CDH23: variants seen among roughly 807,000 people sequenced by gnomAD.
The protein encoded by CDH23 is cadherin-23.
A neutral mutation model predicts 317.1 loss-of-function variants in CDH23; 189 were observed. The ratio of observed to expected loss-of-function variants is 0.60; its 90% CI spans 0.53 to 0.67. The LOEUF (loss-of-function observed/expected upper bound fraction) is 0.67, where lower values mean the gene tolerates loss of function less well. Among genes scored for constraint, CDH23 ranks in the 30% least tolerant of loss-of-function variants. The pLI is 0.00. For missense variants in CDH23, 4,401 were observed against 4,592.4 expected (o/e 0.96, Z 1.20); for synonymous variants, 1,839 against 1,876.8 (o/e 0.98, Z 0.52).
chr10:71,728,644 G>A (rs1413389724), intron 30 of CDH23, among the ~76,000 whole-genome samples: 2 of 152,192 alleles, frequency 1.3e-5, no homozygotes, highest in Non-Finnish European at 2.9e-5. Context: ...TCTGTATGGG[G>A]CATCACAGCC....
At chr10:71,493,525 C>T (rs1852781615) in intron 3 of CDH23, among the ~76,000 whole-genome samples, 2 of 151,456 alleles carry the variant, frequency 1.3e-5, no homozygotes, top group Middle Eastern at 3.2e-3. Flanking sequence ...AGCCCCTGGC[C>T]CAGCATTTCC....
At chr10:71,662,347 C>T (rs1301018305) in intron 14 of CDH23, among the ~76,000 whole-genome samples, 1 of 152,122 alleles carries the variant, frequency 6.6e-6, no homozygotes, top group Admixed American at 6.5e-5. Context: ...GGAGTGAGGA[C>T]ATGTCCCTGG....
intron 2 of CDH23, among the ~76,000 whole-genome samples, chr10:71,441,221 T>C (rs1849860475): frequency 6.6e-6 from 1 of 152,102 alleles, no homozygotes; most frequent in South Asian, 2.1e-4. Context: ...TGGGGGCTTC[T>C]GTCAGGATAT....
intron 14 of CDH23, among the ~76,000 whole-genome samples, chr10:71,664,412 T>A (rs1863801111): frequency 6.6e-6 from 1 of 152,206 alleles, no homozygotes; most frequent in African/African-American, 2.4e-5. Flanking sequence ...AGAGCACCCA[T>A]CAGCCTCCAC....
At chr10:71,599,881 ATCT>A (rs2132471867) in intron 9 of CDH23, among the ~76,000 whole-genome samples, 1 of 151,812 alleles carries the variant, frequency 6.6e-6, no homozygotes, top group East Asian at 1.9e-4. Context: ...GGCTTTAAGC[ATCT>A]TTCCATTTTC....
At chr10:71,812,383 G>C (rs751643452) in intron 66 of CDH23, 97 bp from the exon 67 acceptor site, 1 of 1,604,024 alleles carries the variant, frequency 6.2e-7, no homozygotes, top group Non-Finnish European at 8.5e-7. Flanking sequence ...GGCACTATAT[G>C]GCCAGGGAAA....
At chr10:71,495,478 G>A (rs1476566256) in intron 3 of CDH23, among the ~76,000 whole-genome samples, 1 of 152,150 alleles carries the variant, frequency 6.6e-6, no homozygotes, top group Non-Finnish European at 1.5e-5. Flanking sequence ...GGGTACAGGA[G>A]GTGATGGAAT....
intron 9 of CDH23, among the ~76,000 whole-genome samples, chr10:71,609,726 ACAG>A (rs750994404): frequency 6.6e-6 from 1 of 152,144 alleles, no homozygotes; most frequent in Non-Finnish European, 1.5e-5. Context: ...TGTGCCATAA[ACAG>A]CAGCCTCGCC....
chr10:71,523,078 G>A (rs1283463461), intron 6 of CDH23, among the ~76,000 whole-genome samples: 2 of 152,134 alleles, frequency 1.3e-5, no homozygotes, highest in African/African-American at 4.8e-5. Flanking sequence ...CCCGGCTGCT[G>A]CCTTTAGAGG....
intron 3 of CDH23, among the ~76,000 whole-genome samples, chr10:71,489,084 TC>T (rs1852505649): frequency 3.3e-5 from 5 of 152,258 alleles, no homozygotes; most frequent in African/African-American, 1.2e-4. Flanking sequence ...TATTTATTTA[TC>T]CTGCTGGATT....
chr10:71,744,486 C>A (rs1235921235), intron 38 of CDH23, among the ~76,000 whole-genome samples: 2 of 152,218 alleles, frequency 1.3e-5, no homozygotes, highest in African/African-American at 2.4e-5. Flanking sequence ...GGGCCACTAT[C>A]CAAGCAATCC....
chr10:71,695,458 C>A lies in CDH23; in HGVS notation c.2330C>A (p.Thr777Lys), dbSNP rs199709482. ...CTGGACATCAATGACAACCACCCCA[C>A]GTGGAAGGACGCACCCTACTACATC... ...TLLDINDNHP[T>K]WKDAPYYINL... Residue 777 changes from threonine (T) to lysine (K), a missense_variant, in exon 22 of 70, where the codon ACG becomes AAG. Transcript: ENST00000224721. The A allele has an allele frequency of 2.2e-5, 35 of 1,613,480 alleles. No homozygotes were observed. The Middle Eastern group carries it at 1.2e-3, about 53-fold the overall frequency.
intron 6 of CDH23, among the ~76,000 whole-genome samples, chr10:71,565,015 C>T (rs1226744444): frequency 6.6e-6 from 1 of 152,226 alleles, no homozygotes; most frequent in Non-Finnish European, 1.5e-5. Context: ...GACTTTCACA[C>T]AGGGGGCTGG....
Position 71,784,346 on chromosome 10 carries a change from G to C in CDH23, c.5428G>C (p.Asp1810His), listed in dbSNP as rs780116199. The C allele has an allele frequency of 6.2e-7, 1 of 1,613,966 alleles. No individual in the cohort carries two copies. Among genetic ancestry groups the C allele is most frequent in the Admixed American group, 1.7e-5 (1 of 60,018 alleles). ...VLRVRKDVEL[D>H]RETIAFYNLT... is the part of the protein sequence containing the mutation. ...AAGGGTCCGGAAGGACGTGGAGCTG[G>C]ACCGGGAGACCATCGCCTTCTACAA... The change falls in exon 42 of 70, where the codon GAC (aspartate) becomes CAC (histidine). Residue 1810 changes from aspartate to histidine, a missense_variant. By Grantham distance (81) the Asp-to-His change is moderately conservative. This residue lies in a region of CDH23 where 3,068 missense variants were observed against 3,203.3 expected (regional missense o/e 0.96). Coordinates refer to ENST00000224721, the MANE Select transcript of CDH23 (RefSeq NM_022124.6).
intron 6 of CDH23, among the ~76,000 whole-genome samples, chr10:71,554,934 AC>A (rs1856797175): frequency 6.6e-6 from 1 of 152,144 alleles, no homozygotes; most frequent in Non-Finnish European, 1.5e-5. Context: ...CTGGACTGTG[AC>A]CCAGAGTCTG....
chr10:71,499,462 T>A (rs1853156771), intron 3 of CDH23, among the ~76,000 whole-genome samples: 1 of 152,158 alleles, frequency 6.6e-6, no homozygotes, highest in African/African-American at 2.4e-5. Flanking sequence ...CTTGGGAGGC[T>A]GAGGCAAGAG....
chr10:71,440,383 A>C (rs1023205753), intron 2 of CDH23, among the ~76,000 whole-genome samples: 1 of 152,180 alleles, frequency 6.6e-6, no homozygotes. Context: ...TGCAGGGTGA[A>C]TAGAGTGGTA....
intron 38 of CDH23, chr10:71,773,496 C>G (rs568597909): frequency 6.6e-7 from 1 of 1,519,524 alleles, no homozygotes; most frequent in Non-Finnish European, 8.9e-7. Context: ...GGGACGCGGC[C>G]GGCGCGGGGA....
At position 71,400,108 on chromosome 10, in the gene CDH23, A is replaced by G. The variant is rs572699700; in HGVS notation, c.-6+2790A>G. On this transcript the variant is annotated intron_variant, in intron 1 of 69. Transcript: ENST00000224721. ...AGCCTGGACTGGACATCCCACTTCT[A>G]CTGCCCTAAGGTGGTTCGAGGCCTC... is the stretch of plus-strand genomic sequence containing the variant. 4.6e-5 allele frequency among the ~76,000 whole-genome samples: 7 copies of G among 152,280 alleles called. No homozygotes were observed. The East Asian group carries it at 1.2e-3, about 25-fold the overall frequency.
Sources: gnomAD v4.1 joint callset for allele counts (sites outside exome capture counted in the v4.1 genomes callset) on GRCh38, gnomAD v4.1.1 for gene constraint, gnomAD v4.1.1 regional missense constraint, MANE v1.5 for transcripts, NCBI Gene and HGNC (gene_info 2026-07-23, HGNC 2026-07-21) for gene names.